The following DDX10 variants were observed in gnomAD, a reference collection of about 807,000 sequenced individuals.
The protein encoded by DDX10 is probable ATP-dependent RNA helicase DDX10.
A neutral mutation model predicts 104.3 loss-of-function variants in DDX10; 74 were observed. The ratio of observed to expected loss-of-function variants is 0.71; its 90% CI spans 0.59 to 0.86. The LOEUF (loss-of-function observed/expected upper bound fraction) is 0.86, where lower values mean the gene tolerates loss of function less well. Ranked by LOEUF, DDX10 falls within the 40% of genes least tolerant of loss-of-function variation. DDX10 has a pLI of 0.00. For synonymous variants in DDX10, 351 were observed against 353.4 expected, an observed-to-expected ratio of 0.99 and a Z score of 0.08; for missense variants, 952 against 1,040.0, an observed-to-expected ratio of 0.92 and a Z score of 1.16.
chr11:108,687,281 T>C (rs2094245691), intron 6 of DDX10, among the ~76,000 whole-genome samples: 1 of 152,160 alleles, frequency 6.6e-6, no homozygotes, highest in Admixed American at 6.5e-5. Context: ...TTTTGCCTGT[T>C]GACATATGAT....
At chr11:108,787,008 C>T (rs7109179) in intron 13 of DDX10, among the ~76,000 whole-genome samples, 1 of 109,550 alleles carries the variant, frequency 9.1e-6, no homozygotes, top group Non-Finnish European at 2.1e-5. Flanking sequence ...ATGTTTAGCA[C>T]TCCCTTTAGG....
rs112380511 is a variant in DDX10, at chr11:108,871,776, A to G, written c.2304+19567A>G. ...AAACCCCATCTCTACTAAAAATACA[A>G]AACTAGCCGGGAGTGGTGTCACATG... is the stretch of plus-strand genomic sequence containing the variant. On this transcript the variant is annotated intron_variant, in intron 16 of 17. Transcript: ENST00000322536. Among the ~76,000 whole-genome samples, 964 of 152,276 alleles carry G rather than the reference A, an allele frequency of 6.3e-3. 10 individuals carry two copies. Among genetic ancestry groups the G allele is most frequent in the African/African-American group, 0.022 (916 of 41,546 alleles).
chr11:108,881,934 G>A (rs1157347216), intron 16 of DDX10, among the ~76,000 whole-genome samples: 1 of 152,044 alleles, frequency 6.6e-6, no homozygotes, highest in Admixed American at 6.6e-5. Context: ...ACTCTATATG[G>A]TGCTGACCAA....
intron 13 of DDX10, among the ~76,000 whole-genome samples, chr11:108,726,104 C>T (rs536033051): frequency 3.7e-4 from 57 of 152,052 alleles, no homozygotes; most frequent in Non-Finnish European, 7.1e-4. Flanking sequence ...TACGTCTGTC[C>T]TTTCACCAAT....
intron 13 of DDX10, among the ~76,000 whole-genome samples, chr11:108,786,179 A>C (rs1011572995): frequency 2.0e-5 from 3 of 151,578 alleles, no homozygotes; most frequent in African/African-American, 7.3e-5. Context: ...TTCTTTATCA[A>C]TTTCTGTTTT....
At chr11:108,759,065 A>G (rs1271781658) in intron 13 of DDX10, among the ~76,000 whole-genome samples, 1 of 152,056 alleles carries the variant, frequency 6.6e-6, no homozygotes, top group Non-Finnish European at 1.5e-5. Flanking sequence ...TAGTAGTGCT[A>G]TTATAGTACA....
chr11:108,909,773 T>C (rs1863644181), intron 16 of DDX10, among the ~76,000 whole-genome samples: 1 of 152,098 alleles, frequency 6.6e-6, no homozygotes, highest in Admixed American at 6.5e-5. Flanking sequence ...TGGGCACCTG[T>C]TGGTACCTGT....
Position 108,675,711 on chromosome 11 carries a change from G to A in DDX10, c.363G>A (p.Leu121=), listed in dbSNP as rs1565242402. Residue 121 remains leucine (L), a synonymous_variant, in exon 3 of 18, where the codon CTG becomes CTA. Transcript: ENST00000322536. The part of the protein sequence containing the change: ...GAAKTGSGKT[L]AFLVPVLEAL... ...CCAAAACTGGATCTGGCAAGACTCTGGCTTTTCTTGTTCCAGTAAGTACAT... is the reference window on the plus strand; with the variant it reads ...CCAAAACTGGATCTGGCAAGACTCTAGCTTTTCTTGTTCCAGTAAGTACAT... 6.2e-7 allele frequency: 1 copy of A among 1,614,140 alleles called. No homozygotes were observed. Among genetic ancestry groups the A allele is most frequent in the Non-Finnish European group, 8.5e-7 (1 of 1,180,024 alleles).
chr11:108,770,999 C>G (rs77294693), intron 13 of DDX10, among the ~76,000 whole-genome samples: 2 of 152,230 alleles, frequency 1.3e-5, no homozygotes, highest in East Asian at 3.9e-4. Context: ...TCTCCACGTC[C>G]TCACCAGCAT....
chr11:108,765,059 CCTTT>C (rs2094354959), intron 13 of DDX10, among the ~76,000 whole-genome samples: 1 of 152,106 alleles, frequency 6.6e-6, no homozygotes, highest in African/African-American at 2.4e-5. Flanking sequence ...TTTCAATAGA[CCTTT>C]CTATTAAATA....
chr11:108,914,155 T>A (rs1243310945), intron 16 of DDX10, among the ~76,000 whole-genome samples: 1 of 152,248 alleles, frequency 6.6e-6, no homozygotes, highest in Non-Finnish European at 1.5e-5. Context: ...TAAATAAACA[T>A]TTATATTGGA....
chr11:108,810,986 T>C (rs1419833292), intron 13 of DDX10, among the ~76,000 whole-genome samples: 1 of 152,198 alleles, frequency 6.6e-6, no homozygotes. Context: ...TTATCATTTT[T>C]CCTTGTCTAT....
intron 17 of DDX10, among the ~76,000 whole-genome samples, chr11:108,929,211 A>G (rs1863946561): frequency 6.6e-6 from 1 of 152,216 alleles, no homozygotes; most frequent in Non-Finnish European, 1.5e-5. Context: ...AGCAAGAGAG[A>G]CAGACCATAA....
intron 13 of DDX10, among the ~76,000 whole-genome samples, chr11:108,802,226 A>T (rs1406579789): frequency 6.6e-6 from 1 of 152,132 alleles, no homozygotes; most frequent in Non-Finnish European, 1.5e-5. Context: ...TATATTTACC[A>T]GTTCAGCATC....
At chr11:108,796,243 T>A (rs1861939725) in intron 13 of DDX10, among the ~76,000 whole-genome samples, 1 of 152,248 alleles carries the variant, frequency 6.6e-6, no homozygotes, top group Non-Finnish European at 1.5e-5. Flanking sequence ...AGACATCAGT[T>A]TTACTGACGT....
At chr11:108,932,460 G>T (rs1863986873) in intron 17 of DDX10, among the ~76,000 whole-genome samples, 1 of 151,836 alleles carries the variant, frequency 6.6e-6, no homozygotes, top group Non-Finnish European at 1.5e-5. Flanking sequence ...TCTCTAAAAA[G>T]AAATAATAAT....
chr11:108,698,679 T>C (rs10749926), intron 9 of DDX10, among the ~76,000 whole-genome samples: 78,503 of 152,008 alleles, frequency 0.52, 21,775 homozygotes, highest in Non-Finnish European at 0.62. Flanking sequence ...TTCTCCTGTC[T>C]AGTCAATACA....
intron 1 of DDX10, among the ~76,000 whole-genome samples, chr11:108,666,271 A>G (rs2094209998): frequency 6.6e-6 from 1 of 152,216 alleles, no homozygotes; most frequent in Admixed American, 6.5e-5. Context: ...TGAGGTCAGG[A>G]GTTCGAGACC....
chr11:108,670,342 G>A (rs1401922191), intron 1 of DDX10, among the ~76,000 whole-genome samples: 1 of 152,114 alleles, frequency 6.6e-6, no homozygotes, highest in Non-Finnish European at 1.5e-5. Context: ...AGTAGGGAGG[G>A]AAAGGAGAGA....
Sources: allele counts gnomAD v4.1 joint callset (sites outside exome capture counted in the v4.1 genomes callset), GRCh38; gene constraint gnomAD v4.1.1; transcripts MANE v1.5; gene names NCBI Gene and HGNC (gene_info 2026-07-23, HGNC 2026-07-21).